The following TMTC2 variants were observed in gnomAD, a reference collection of about 807,000 sequenced individuals.
The protein encoded by TMTC2 is transmembrane O-mannosyltransferase targeting cadherins 2.
In TMTC2, 43 loss-of-function variants were observed where a neutral mutation model predicts 82.4. That is an observed-to-expected ratio of 0.52 (90% CI 0.41 to 0.67). TMTC2 has a LOEUF of 0.67. Ranked by LOEUF, TMTC2 falls within the 30% of genes least tolerant of loss-of-function variation. The pLI, the probability that TMTC2 is intolerant of heterozygous loss-of-function variation, is 0.00. For missense variants in TMTC2, 919 were observed against 1,012.4 expected (o/e 0.91, Z 1.25); for synonymous variants, 408 against 381.9 (o/e 1.07, Z -0.80).
Position 83,081,064 on chromosome 12 carries a change from A to C in TMTC2, c.2331+19233A>C, listed in dbSNP as rs538074071. Among the ~76,000 whole-genome samples, 3 of 152,336 alleles carry C rather than the reference A, an allele frequency of 2.0e-5. No homozygotes were observed. The South Asian group carries it at 6.2e-4, about 32-fold the overall frequency. Reference sequence around the variant, plus strand: ...TAAATGGGCTTATATCATGACCAAAAGTCTTAGCCTTTAATTGTTACATCA... The same window carrying C: ...TAAATGGGCTTATATCATGACCAAACGTCTTAGCCTTTAATTGTTACATCA... On this transcript the variant is annotated intron_variant, in intron 11 of 11. Coordinates refer to ENST00000321196, the MANE Select transcript of TMTC2 (RefSeq NM_152588.3).
intron 6 of TMTC2, 53 bp from the exon 7 acceptor site, chr12:82,966,866 C>T (rs911604966): frequency 3.0e-5 from 39 of 1,287,992 alleles, no homozygotes; most frequent in Admixed American, 3.9e-5. Context: ...TTTTCAGTGA[C>T]GATCCCTGCA....
chr12:83,129,925 G>A (rs972220257), intron 11 of TMTC2, among the ~76,000 whole-genome samples: 3 of 152,294 alleles, frequency 2.0e-5, no homozygotes, highest in African/African-American at 7.2e-5. Context: ...CATAACCTCT[G>A]AGTGTTTTTA....
intron 4 of TMTC2, among the ~76,000 whole-genome samples, chr12:82,937,919 T>A (rs1204261668): frequency 1.1e-4 from 4 of 36,030 alleles, no homozygotes; most frequent in Non-Finnish European, 1.5e-4. Flanking sequence ...TTTTTTTTTT[T>A]TTATTTTTTT....
At chr12:83,109,155 G>T (rs1884514146) in intron 11 of TMTC2, among the ~76,000 whole-genome samples, 1 of 152,136 alleles carries the variant, frequency 6.6e-6, no homozygotes, top group South Asian at 2.1e-4. Context: ...AAGAAAAGAG[G>T]TTTAATTGGC....
At chr12:82,802,028 G>A (rs889369478) in intron 1 of TMTC2, among the ~76,000 whole-genome samples, 17 of 141,028 alleles carry the variant, frequency 1.2e-4, no homozygotes, top group South Asian at 4.2e-4. Context: ...GTCCCACGCC[G>A]TGCGCCCACA....
chr12:83,128,378 A>G (rs1885157285), intron 11 of TMTC2, among the ~76,000 whole-genome samples: 2 of 152,090 alleles, frequency 1.3e-5, no homozygotes, highest in Admixed American at 1.3e-4. Context: ...CTTCTGTCTA[A>G]TAACATTTAG....
chr12:82,885,514 T>A (rs2137162231), intron 2 of TMTC2, among the ~76,000 whole-genome samples: 1 of 151,318 alleles, frequency 6.6e-6, no homozygotes, highest in Admixed American at 6.6e-5. Context: ...GGAATACAGG[T>A]GTATGCCACC....
At chr12:82,830,701 A>G (rs1240114121) in intron 1 of TMTC2, among the ~76,000 whole-genome samples, 1 of 152,146 alleles carries the variant, frequency 6.6e-6, no homozygotes, top group African/African-American at 2.4e-5. Context: ...AAACAATCTA[A>G]ATGTCAGGGC....
At chr12:82,819,497 C>CTTTTTTTTTTTTT (rs766912583) in intron 1 of TMTC2, among the ~76,000 whole-genome samples, 1 of 118,246 alleles carries the variant, frequency 8.5e-6, no homozygotes, top group Non-Finnish European at 1.7e-5. Flanking sequence ...TTCTCTCTTT[C>CTTTTTTTTTTTTT]TTTTTTTTTT....
intron 3 of TMTC2, among the ~76,000 whole-genome samples, chr12:82,898,448 A>G (rs1219799697): frequency 6.6e-6 from 1 of 152,252 alleles, no homozygotes; most frequent in East Asian, 1.9e-4. Context: ...TATTAAATTT[A>G]TTAAGTTTCA....
intron 1 of TMTC2, among the ~76,000 whole-genome samples, chr12:82,796,679 G>A (rs1878736514): frequency 6.6e-6 from 1 of 152,058 alleles, no homozygotes; most frequent in African/African-American, 2.4e-5. Context: ...CAGCCTCTTT[G>A]GCTGAACTGT....
intron 1 of TMTC2, among the ~76,000 whole-genome samples, chr12:82,770,251 A>G (rs1477545760): frequency 6.6e-6 from 1 of 152,168 alleles, no homozygotes; most frequent in Non-Finnish European, 1.5e-5. Context: ...ATATGGTTAG[A>G]CAATTAAATT....
At position 82,719,157 on chromosome 12, in the gene TMTC2, G is replaced by A. The variant is rs148637651; in HGVS notation, c.83+31488G>A. Among the ~76,000 whole-genome samples the A allele has an allele frequency of 5.1e-4, 66 of 128,164 alleles. No homozygotes were observed. In the East Asian group the frequency reaches 0.013, roughly 25 times the overall value. The allele number at this position is 128,164 out of a possible 152,430, so 84.1% of individuals were successfully genotyped here. A position where few individuals can be genotyped will look rare whatever the true frequency, so the allele number is the denominator to read the frequency against. ...CACCCAGGCTAGAGTGCAGAGGCAC[G>A]ATCTCAGCTCACTGCAACCTCTGCC... On this transcript the variant is annotated intron_variant, in intron 1 of 11. Transcript: ENST00000321196.
intron 3 of TMTC2, among the ~76,000 whole-genome samples, chr12:82,918,388 G>T (rs1390447520): frequency 2.0e-5 from 3 of 152,152 alleles, no homozygotes; most frequent in Non-Finnish European, 4.4e-5. Context: ...CTCAGCGTTG[G>T]TGGAAGCAAA....
chr12:82,749,438 C>G (rs1367690327), intron 1 of TMTC2, among the ~76,000 whole-genome samples: 2 of 152,140 alleles, frequency 1.3e-5, no homozygotes, highest in Non-Finnish European at 2.9e-5. Context: ...CTTGGTGTCT[C>G]TCACCTGAGT....
rs1407663520 is a variant in TMTC2 at position 82,861,161 on chromosome 12, T to C, written c.654+3581T>C. ...TGCAGTATACAAATGTTTAACCCTG[T>C]TACTCAAATTAGAGAACAAGCTAAG... is the stretch of plus-strand genomic sequence containing the variant. On this transcript the variant is annotated intron_variant, in intron 2 of 11. Coordinates refer to ENST00000321196, the MANE Select transcript of TMTC2 (RefSeq NM_152588.3). 2.0e-5 allele frequency among the ~76,000 whole-genome samples: 3 copies of C among 152,230 alleles called. No homozygotes were observed. In the East Asian group the frequency reaches 5.8e-4, roughly 29 times the overall value.
chr12:82,982,795 C>T (rs1444332221), intron 7 of TMTC2, among the ~76,000 whole-genome samples: 1 of 151,962 alleles, frequency 6.6e-6, no homozygotes, highest in Non-Finnish European at 1.5e-5. Flanking sequence ...TGACTATTTT[C>T]TATTAGCTAG....
chr12:82,745,185 C>T (rs550632175), intron 1 of TMTC2, among the ~76,000 whole-genome samples: 7 of 151,856 alleles, frequency 4.6e-5, no homozygotes, highest in African/African-American at 1.7e-4. Flanking sequence ...TTTTTCATTC[C>T]TCAAGCAGAA....
chr12:82,956,941 G>A (rs529839533), intron 4 of TMTC2, among the ~76,000 whole-genome samples: 6 of 152,092 alleles, frequency 3.9e-5, no homozygotes, highest in Non-Finnish European at 8.8e-5. Context: ...AATAGTGGGG[G>A]ACTTCAACAC....
Sources: gnomAD v4.1 joint callset for allele counts (sites outside exome capture counted in the v4.1 genomes callset) on GRCh38, gnomAD v4.1.1 for gene constraint, MANE v1.5 for transcripts, NCBI Gene and HGNC (gene_info 2026-07-23, HGNC 2026-07-21) for gene names.